The following SI variants were observed in gnomAD, a reference collection of about 807,000 sequenced individuals.
The protein encoded by SI is sucrase-isomaltase, also known as sucrase-isomaltase, intestinal.
A neutral mutation model predicts 253.3 loss-of-function variants in SI; 235 were observed. That is an observed-to-expected ratio of 0.93 (90% confidence interval 0.83 to 1.03). The LOEUF (loss-of-function observed/expected upper bound fraction) is 1.03. Among genes scored for constraint, SI ranks in the 50% least tolerant of loss-of-function variants. SI has a pLI of 0.00. For missense variants in SI, 2,442 were observed against 2,211.1 expected, an observed-to-expected ratio of 1.10 and a Z score of -2.09; for synonymous variants, 819 against 712.0, an observed-to-expected ratio of 1.15 and a Z score of -2.39.
In SI at chr3:165,023,675, G is replaced by A; in HGVS notation, c.2994C>T (p.Asp998=). Residue 998 remains aspartate, a synonymous_variant, in exon 26 of 48, where the codon GAC becomes GAT. Coordinates refer to ENST00000264382, the MANE Select transcript of SI (RefSeq NM_001041.4). ...TGGCATTTGCAGTATTTAGTTGGAG[G>A]TCAGCTGTTATACCCATGGATGAAT... ...ARYSSMGITA[D]LQLNTANARI... 6.2e-7 allele frequency: 1 copy of A among 1,610,840 alleles called. No individual in the cohort carries two copies. The highest frequency in any genetic ancestry group is 8.5e-7 in the Non-Finnish European group (1 of 1,177,898).
In SI at chr3:165,033,496, C is replaced by T. The variant is rs1272351905; in HGVS notation, c.2516-52G>A. The T allele has an allele frequency of 5.0e-6, 7 of 1,412,968 alleles. No homozygotes were observed. In the African/African-American group the frequency reaches 7.3e-5, roughly 15 times the overall value. 87.5% of individuals were successfully genotyped at this position (1,412,968 alleles called of 1,614,324 possible). ...ACAAAATGCAATGTTAAATTCTCTG[C>T]TCTGGTTTTACACTTATACAACACT... On this transcript the variant is annotated intron_variant, in intron 22 of 47. Coordinates refer to ENST00000264382, the MANE Select transcript of SI (RefSeq NM_001041.4).
chr3:165,034,027 GAAGAT>G (rs1390609701), intron 22 of SI, among the ~76,000 whole-genome samples: 3 of 151,584 alleles, frequency 2.0e-5, no homozygotes, highest in African/African-American at 7.3e-5. Flanking sequence ...AAGAAAAACT[GAAGAT>G]AAGGACTGAA....
chr3:164,998,769 G>C, intron 37 of SI, 96 bp from the exon 38 acceptor site: 1 of 1,032,724 alleles, frequency 9.7e-7, no homozygotes, highest in Non-Finnish European at 1.5e-6. Flanking sequence ...ATAGTGATTT[G>C]TGGTGCTTAT....
chr3:165,062,131 A>C (rs543351386), intron 9 of SI, among the ~76,000 whole-genome samples: 2 of 151,924 alleles, frequency 1.3e-5, no homozygotes, highest in Non-Finnish European at 2.9e-5. Context: ...CAATTCTTGA[A>C]CTCAGCTGCC....
rs1007564122 is a variant in SI at position 165,000,692 on chromosome 3, C to T, written c.4407-2019G>A. 1.1e-4 allele frequency among the ~76,000 whole-genome samples: 17 copies of T among 151,414 alleles called. No homozygotes were observed. In the South Asian group the frequency reaches 2.1e-3, roughly 18 times the overall value. The stretch of plus-strand genomic sequence containing the variant: ...ACCCTCACACAGAATATGTATTTGA[C>T]GCCACTAAAGATATAAAGTTCAAAC... On this transcript the variant is annotated intron_variant, in intron 37 of 47. Transcript: ENST00000264382.
chr3:165,011,112 T>A (rs1491003045), intron 34 of SI, among the ~76,000 whole-genome samples: 1 of 152,196 alleles, frequency 6.6e-6, no homozygotes, highest in Non-Finnish European at 1.5e-5. Context: ...TTTGTGTTTT[T>A]CTTTTAATTT....
intron 47 of SI, among the ~76,000 whole-genome samples, chr3:164,981,116 G>A (rs1717168340): frequency 6.6e-6 from 1 of 151,834 alleles, no homozygotes; most frequent in Admixed American, 6.6e-5. Flanking sequence ...ATGAGTGTAA[G>A]GCACTAAGAT....
rs149898910 is a variant in SI at position 165,049,148 on chromosome 3, C to T, written c.1694G>A (p.Ser565Asn). The change falls in exon 15 of 48, where the codon AGC becomes AAC. Residue 565 changes from serine (S) to asparagine (N), a missense_variant. Coordinates refer to ENST00000264382, the MANE Select transcript of SI (RefSeq NM_001041.4). Reference protein sequence around the residue: ...QYDVHSLYGYSMAIATEQAVQ... With the variant: ...QYDVHSLYGYNMAIATEQAVQ... ...TTACTGCTCTGTGGCTATAGCCATG[C>T]TGTATCCATAGAGGCTATGAACATC... is the stretch of plus-strand genomic sequence containing the variant. 3 of 1,592,340 alleles carry T rather than the reference C, an allele frequency of 1.9e-6. No homozygotes were observed. Among genetic ancestry groups the T allele is most frequent in the African/African-American group, 2.7e-5 (2 of 74,610 alleles).
At chr3:164,997,217 T>A (rs1718050899) in intron 38 of SI, among the ~76,000 whole-genome samples, 1 of 151,692 alleles carries the variant, frequency 6.6e-6, no homozygotes, top group African/African-American at 2.4e-5. Context: ...TAAGGAGTAA[T>A]CAATTCTATA....
chr3:165,075,827 T>C (rs1281371542), intron 2 of SI, 68 bp downstream of exon 2: 7 of 945,440 alleles, frequency 7.4e-6, no homozygotes, highest in African/African-American at 1.6e-5. Context: ...TTAAAACCTA[T>C]AACTATTGTG....
intron 33 of SI, among the ~76,000 whole-genome samples, chr3:165,014,342 G>A (rs1394413224): frequency 2.6e-5 from 4 of 151,816 alleles, no homozygotes; most frequent in African/African-American, 7.3e-5. Context: ...TCCGCCTCCC[G>A]GGTTCACTCC....
chr3:164,991,422 G>C lies in SI; in HGVS notation c.5039C>G (p.Thr1680Arg). ...QFQTFNASYD[T>R]INLHVRGGHI... Reference sequence around the variant, plus strand: ...ACCACCACGGACATGTAGGTTTATTGTGTCATAAGAAGCATTAAATGTTTG... The same window carrying C: ...ACCACCACGGACATGTAGGTTTATTCTGTCATAAGAAGCATTAAATGTTTG... The change falls in exon 44 of 48, where the codon ACA becomes AGA. Residue 1680 changes from threonine (T) to arginine (R), a missense_variant. Thr to Arg is a moderately conservative substitution (Grantham distance 71). Coordinates refer to ENST00000264382, the MANE Select transcript of SI (RefSeq NM_001041.4). The C allele has an allele frequency of 6.2e-7, 1 of 1,613,414 alleles. No individual in the cohort carries two copies. Among genetic ancestry groups the C allele is most frequent in the Non-Finnish European group, 8.5e-7 (1 of 1,179,506 alleles).
intron 27 of SI, 138 bp from the exon 28 acceptor site, chr3:165,019,908 A>C: frequency 5.3e-6 from 4 of 754,932 alleles, no homozygotes; most frequent in Non-Finnish European, 9.0e-6. Context: ...CAGGTACCAA[A>C]TGGAAATAGA....
chr3:165,018,181 C>G, intron 28 of SI, 115 bp from the exon 29 acceptor site: 1 of 702,390 alleles, frequency 1.4e-6, no homozygotes, highest in Non-Finnish European at 2.5e-6. Flanking sequence ...ATTCCCGTTT[C>G]CCAACCTTAA....
chr3:165,077,614 A>G (rs1715086122), intron 1 of SI, among the ~76,000 whole-genome samples: 1 of 151,702 alleles, frequency 6.6e-6, no homozygotes, highest in South Asian at 2.1e-4. Flanking sequence ...TAACATACAA[A>G]GCTGTTCGAA....
chr3:164,996,491 G>T, intron 40 of SI, 44 bp downstream of exon 40: 1 of 1,027,058 alleles, frequency 9.7e-7, no homozygotes, highest in Non-Finnish European at 1.6e-6. Context: ...ATGAAGCATA[G>T]CCCAAGTAAG....
At chr3:165,063,601 T>C (rs1714085630) in intron 7 of SI, 60 bp from the exon 8 acceptor site, 3 of 747,066 alleles carry the variant, frequency 4.0e-6, no homozygotes, top group African/African-American at 1.8e-5. Flanking sequence ...AAAAAGATTA[T>C]ATATTTTATA....
At position 165,063,452 on chromosome 3, in the gene SI, G is replaced by A. The variant is rs1396413450; in HGVS notation, c.897C>T (p.Ser299=). 63 of 1,429,208 alleles carry A rather than the reference G, an allele frequency of 4.4e-5. No homozygotes were observed. Among genetic ancestry groups the A allele is most frequent in the Non-Finnish European group, 6.0e-5 (61 of 1,015,256 alleles). 88.5% of individuals were successfully genotyped at this position (1,429,208 alleles called of 1,614,324 possible). A position where few individuals can be genotyped will look rare whatever the true frequency, so the allele number is the denominator to read the frequency against. Residue 299 remains serine, a synonymous_variant, in exon 8 of 48, where the codon AGC becomes AGT. Coordinates refer to ENST00000264382, the MANE Select transcript of SI (RefSeq NM_001041.4). Reference sequence around the variant, plus strand: ...ATGAATTATTCTTACCCATTGCATTGCTATTCATTAAAAAAACACCGAATG... The same window carrying A: ...ATGAATTATTCTTACCCATTGCATTACTATTCATTAAAAAAACACCGAATG... ...GKSFGVFLMN[S]NAMEIFIQPT... is the part of the protein sequence containing the mutation.
intron 8 of SI, 35 bp downstream of exon 8, chr3:165,063,407 A>G (rs780122012): frequency 1.0e-6 from 1 of 964,466 alleles, no homozygotes; most frequent in Admixed American, 1.8e-5. Flanking sequence ...TTCAAGTGAA[A>G]TCTATAAATA....
Sources: gnomAD v4.1 joint callset for allele counts (sites outside exome capture counted in the v4.1 genomes callset) on GRCh38, gnomAD v4.1.1 for gene constraint, MANE v1.5 for transcripts, NCBI Gene and HGNC (gene_info 2026-07-23, HGNC 2026-07-21) for gene names.